Variants in LHFPL3 observed in about 807,000 individuals in gnomAD.
The protein encoded by LHFPL3 is LHFPL tetraspan subfamily member 3, also known as LHFPL tetraspan subfamily member 3 protein.
LHFPL3 carries 5 observed loss-of-function variants against 19.3 expected under a neutral mutation model. The observed-to-expected ratio is 0.26, with a 90% CI of 0.14 to 0.54. The LOEUF (loss-of-function observed/expected upper bound fraction) is 0.54, where lower values mean the gene tolerates loss of function less well. Among genes scored for constraint, LHFPL3 ranks in the 20% least tolerant of loss-of-function variants. The probability of loss-of-function intolerance (pLI) is 0.94; values close to 1 mark genes in which losing one functional copy is unlikely to be tolerated. For synonymous variants in LHFPL3, 133 were observed against 126.2 expected (o/e 1.05, Z -0.36); for missense variants, 249 against 307.4 (o/e 0.81, Z 1.42).
intron 1 of LHFPL3, among the ~76,000 whole-genome samples, chr7:104,578,130 A>C (rs955798091): frequency 6.6e-6 from 1 of 152,228 alleles, no homozygotes; most frequent in African/African-American, 2.4e-5. Flanking sequence ...TGTGTCAAAA[A>C]AAAGTTATAG....
At chr7:104,444,495 G>C (rs1156735111) in intron 1 of LHFPL3, among the ~76,000 whole-genome samples, 1 of 152,150 alleles carries the variant, frequency 6.6e-6, no homozygotes, top group Non-Finnish European at 1.5e-5. Context: ...ACTCTCCATT[G>C]AAAGAGCTCT....
At chr7:104,533,864 G>A (rs1473454874) in intron 1 of LHFPL3, among the ~76,000 whole-genome samples, 1 of 152,000 alleles carries the variant, frequency 6.6e-6, no homozygotes, top group Non-Finnish European at 1.5e-5. Context: ...TGATGATATT[G>A]TCCTATGAGG....
intron 1 of LHFPL3, among the ~76,000 whole-genome samples, chr7:104,508,828 G>GT (rs35798872): frequency 0.12 from 18,835 of 150,972 alleles, 1,262 homozygotes; most frequent in African/African-American, 0.16. Flanking sequence ...AAAGAGCTGT[G>GT]TTTTTTTTAA....
At position 104,370,451 on chromosome 7, in the gene LHFPL3, G is replaced by T. The variant is rs57748313; in HGVS notation, c.445+41227G>T. Among the ~76,000 whole-genome samples the T allele has an allele frequency of 5.8e-3, 881 of 152,272 alleles. 14 individuals carry two copies. Among genetic ancestry groups the T allele is most frequent in the African/African-American group, 0.02 (833 of 41,544 alleles). On this transcript the variant is annotated intron_variant, in intron 1 of 2. Transcript: ENST00000424859. Reference sequence around the variant, plus strand: ...ACTGGCAGAACCAAAAAGAGAGCAGGGTGGCAAAGCAGAAATGTGACTTCC... The same window carrying T: ...ACTGGCAGAACCAAAAAGAGAGCAGTGTGGCAAAGCAGAAATGTGACTTCC...
chr7:104,602,434 A>G (rs936068599), intron 1 of LHFPL3, among the ~76,000 whole-genome samples: 6 of 152,212 alleles, frequency 3.9e-5, no homozygotes, highest in Non-Finnish European at 7.3e-5. Flanking sequence ...ACTAGTGGAC[A>G]GGATGGAAGC....
chr7:104,485,619 TATC>T (rs2115673514), intron 1 of LHFPL3, among the ~76,000 whole-genome samples: 1 of 152,334 alleles, frequency 6.6e-6, no homozygotes, highest in South Asian at 2.1e-4. Context: ...TTAGATTTTC[TATC>T]ATTTTTTATT....
chr7:104,769,531 CACG>C (rs1369846575), intron 2 of LHFPL3, among the ~76,000 whole-genome samples: 1 of 152,098 alleles, frequency 6.6e-6, no homozygotes, highest in African/African-American at 2.4e-5. Flanking sequence ...CATAGGTATA[CACG>C]TGCCATGGTG....
chr7:104,419,986 C>T (rs1034045042), intron 1 of LHFPL3, among the ~76,000 whole-genome samples: 1 of 152,124 alleles, frequency 6.6e-6, no homozygotes, highest in African/African-American at 2.4e-5. Flanking sequence ...ACAACAACAA[C>T]AACAAAAAAC....
At chr7:104,533,816 C>G (rs1794346405) in intron 1 of LHFPL3, among the ~76,000 whole-genome samples, 1 of 152,148 alleles carries the variant, frequency 6.6e-6, no homozygotes, top group Non-Finnish European at 1.5e-5. Context: ...TCTTGGACTT[C>G]TACCTCCCTT....
At chr7:104,819,163 G>A (rs1790627312) in intron 2 of LHFPL3, among the ~76,000 whole-genome samples, 1 of 151,848 alleles carries the variant, frequency 6.6e-6, no homozygotes, top group Non-Finnish European at 1.5e-5. Flanking sequence ...TCTTGATCCT[G>A]CTTTAAAAAA....
At chr7:104,578,664 G>T (rs1488034792) in intron 1 of LHFPL3, among the ~76,000 whole-genome samples, 1 of 152,082 alleles carries the variant, frequency 6.6e-6, no homozygotes, top group Non-Finnish European at 1.5e-5. Context: ...GCCCACCTGT[G>T]CACCCACCCT....
chr7:104,423,766 G>A (rs1398669028), intron 1 of LHFPL3, among the ~76,000 whole-genome samples: 1 of 142,638 alleles, frequency 7.0e-6, no homozygotes, highest in Non-Finnish European at 1.5e-5. Context: ...CAAAATGTCA[G>A]TTGTGTCAAG....
At chr7:104,774,776 C>A (rs1794613504) in intron 2 of LHFPL3, among the ~76,000 whole-genome samples, 1 of 152,196 alleles carries the variant, frequency 6.6e-6, no homozygotes, top group Admixed American at 6.5e-5. Context: ...GTTCCTTTTA[C>A]AGAGTTTTGC....
At chr7:104,692,154 T>C (rs898019863) in intron 1 of LHFPL3, among the ~76,000 whole-genome samples, 2 of 152,242 alleles carry the variant, frequency 1.3e-5, no homozygotes, top group African/African-American at 4.8e-5. Flanking sequence ...TGGGTGCTCT[T>C]AAAAGAATTC....
chr7:104,333,025 G>A (rs1379994277), intron 1 of LHFPL3, among the ~76,000 whole-genome samples: 1 of 151,750 alleles, frequency 6.6e-6, no homozygotes, highest in Non-Finnish European at 1.5e-5. Flanking sequence ...GGTCAAGCAG[G>A]GTAATAAAGT....
At chr7:104,773,721 G>A (rs1028185259) in intron 2 of LHFPL3, among the ~76,000 whole-genome samples, 8 of 152,308 alleles carry the variant, frequency 5.3e-5, no homozygotes, top group African/African-American at 1.4e-4. Context: ...CCCACACAGG[G>A]AGAATGCCAT....
intron 1 of LHFPL3, among the ~76,000 whole-genome samples, chr7:104,520,027 T>C (rs549800229): frequency 6.6e-6 from 1 of 151,696 alleles, no homozygotes; most frequent in East Asian, 1.9e-4. Context: ...CTTGTGCCGG[T>C]TTTCAAAGGG....
At position 104,329,058 on chromosome 7, in the gene LHFPL3, C is replaced by A. The variant is rs535051117; in HGVS notation, c.279C>A (p.Ser93Arg). 1 of 1,614,064 alleles carries A rather than the reference C, an allele frequency of 6.2e-7. No homozygotes were observed. Among genetic ancestry groups the A allele is most frequent in the East Asian group, 2.2e-5 (1 of 44,876 alleles). The stretch of plus-strand genomic sequence containing the variant: ...CCCGGGAGCTGACCTGCAGGGGCAG[C>A]TTCACGGACTTCTCCACGCTGCCCT... ...GFSRELTCRG[S>R]FTDFSTLPSG... The change falls in exon 1 of 3, where the codon AGC becomes AGA. Residue 93 changes from serine to arginine, a missense_variant. Ser to Arg is a moderately radical substitution (Grantham distance 110). Transcript: ENST00000424859.
At chr7:104,378,904 C>T (rs1790767111) in intron 1 of LHFPL3, among the ~76,000 whole-genome samples, 1 of 152,036 alleles carries the variant, frequency 6.6e-6, no homozygotes, top group South Asian at 2.1e-4. Context: ...GATATTTTCC[C>T]CTAGTCTGTG....
Sources: allele counts gnomAD v4.1 joint callset (sites outside exome capture counted in the v4.1 genomes callset), GRCh38; gene constraint gnomAD v4.1.1; transcripts MANE v1.5; gene names NCBI Gene and HGNC (gene_info 2026-07-23, HGNC 2026-07-21).